CCDC63: variants seen among roughly 807,000 people sequenced by gnomAD.
CCDC63 encodes coiled-coil domain containing 63.
A neutral mutation model predicts 63.6 loss-of-function variants in CCDC63; 54 were observed. That is an observed-to-expected ratio of 0.85 (90% CI 0.68 to 1.07). The LOEUF is 1.07. Among genes scored for constraint, CCDC63 ranks in the 50% least tolerant of loss-of-function variants. CCDC63 has a pLI of 0.00. For synonymous variants in CCDC63, 253 were observed against 266.1 expected, an observed-to-expected ratio of 0.95 and a Z score of 0.48; for missense variants, 637 against 689.6, an observed-to-expected ratio of 0.92 and a Z score of 0.86.
chr12:110,886,367 T>C (rs1426133992), intron 8 of CCDC63, among the ~76,000 whole-genome samples: 1 of 151,214 alleles, frequency 6.6e-6, no homozygotes, highest in Non-Finnish European at 1.5e-5. Context: ...GCCTGGGTGA[T>C]ACAGGGAGAC....
At chr12:110,859,329 A>AAC (rs145004780) in intron 4 of CCDC63, among the ~76,000 whole-genome samples, 8,404 of 151,376 alleles carry the variant, frequency 0.056, 472 homozygotes, top group African/African-American at 0.15. Flanking sequence ...TTTTTTTTGA[A>AAC]AGAGTCTTGC....
intron 8 of CCDC63, among the ~76,000 whole-genome samples, chr12:110,891,561 C>T (rs753766922): frequency 2.8e-5 from 4 of 145,028 alleles, no homozygotes; most frequent in Non-Finnish European, 6.0e-5. Flanking sequence ...ATGGGAGGAT[C>T]GCAGTCAAGG....
chr12:110,893,087 C>A lies in CCDC63; in HGVS notation c.1086C>A (p.Ile362=). 1 of 1,614,068 alleles carries A rather than the reference C, an allele frequency of 6.2e-7. No homozygotes were observed. Among genetic ancestry groups the A allele is most frequent in the South Asian group, 1.1e-5 (1 of 91,066 alleles). Residue 362 remains isoleucine (I), a synonymous_variant, in exon 9 of 12, where the codon ATC becomes ATA. Coordinates refer to ENST00000308208, the MANE Select transcript of CCDC63 (RefSeq NM_152591.3). The part of the protein sequence containing the change: ...KRTQRIQDEI[I]LLRSQQKLSH... ...TCTCTCCCGAGCAGGACGAGATCATCCTCTTGCGATCCCAGCAGAAATTGT... is the reference window on the plus strand; with the variant it reads ...TCTCTCCCGAGCAGGACGAGATCATACTCTTGCGATCCCAGCAGAAATTGT...
Position 110,881,316 on chromosome 12 carries a change from G to A in CCDC63, c.853+20G>A, listed in dbSNP as rs750580374. ...AGGAAGGTACACCCTCCAGGAGCAA[G>A]CTTGTGCTCTCTCACTCTCTTTCTT... is the stretch of plus-strand genomic sequence containing the variant. On this transcript the variant is annotated intron_variant, in intron 7 of 11. Transcript: ENST00000308208. 6.2e-7 allele frequency: 1 copy of A among 1,605,700 alleles called. No individual in the cohort carries two copies. The highest frequency in any genetic ancestry group is 8.5e-7 in the Non-Finnish European group (1 of 1,176,670).
upstream of CCDC63, chr12:110,846,068 C>G (rs2070634217): frequency 6.6e-6 from 1 of 151,772 alleles, no homozygotes. Context: ...TCCCAAAGTG[C>G]TAGGATTATA....
rs149227019 is a variant in CCDC63, at chr12:110,853,479, G to A, written c.84G>A (p.Glu28=). The A allele has an allele frequency of 1.2e-6, 2 of 1,614,092 alleles. No individual in the cohort carries two copies. The highest frequency in any genetic ancestry group is 1.3e-5 in the African/African-American group (1 of 74,936). ...AGAAGGCCAAAGAGCAGCAGGCGGA[G>A]GCAGAGCTCCGGAAGCTAAGGCAGC... ...PSEKAKEQQA[E]AELRKLRQQF... The change falls in exon 3 of 12, where the codon GAG becomes GAA. Residue 28 remains glutamate, a synonymous_variant. Coordinates refer to ENST00000308208, the MANE Select transcript of CCDC63 (RefSeq NM_152591.3).
intron 4 of CCDC63, among the ~76,000 whole-genome samples, chr12:110,860,809 G>A (rs1419217138): frequency 6.6e-6 from 1 of 152,098 alleles, no homozygotes; most frequent in Admixed American, 6.5e-5. Context: ...GGCTGGTCTC[G>A]AACTCCTGAC....
chr12:110,859,453 T>G (rs1032100291), intron 4 of CCDC63, among the ~76,000 whole-genome samples: 2 of 151,982 alleles, frequency 1.3e-5, no homozygotes, highest in Non-Finnish European at 2.9e-5. Flanking sequence ...ATTACAGGCG[T>G]GCACCACCAT....
chr12:110,868,637 T>C (rs1367177166), intron 4 of CCDC63, among the ~76,000 whole-genome samples: 1 of 150,240 alleles, frequency 6.7e-6, no homozygotes, highest in Non-Finnish European at 1.5e-5. Context: ...AGGAGAATCA[T>C]GCAGGGAGGT....
intron 10 of CCDC63, 35 bp from the exon 11 acceptor site, chr12:110,904,553 C>T (rs200321431): frequency 3.0e-5 from 48 of 1,602,210 alleles, no homozygotes; most frequent in Admixed American, 8.3e-5. Flanking sequence ...CCAGGTCTCT[C>T]GGCAGCCATC....
intron 4 of CCDC63, among the ~76,000 whole-genome samples, chr12:110,862,518 T>C (rs1341686789): frequency 1.3e-5 from 2 of 152,164 alleles, no homozygotes; most frequent in Non-Finnish European, 2.9e-5. Context: ...ACTCCCAGCA[T>C]CACAAAAGCA....
At chr12:110,887,373 G>C (rs1290531883) in intron 8 of CCDC63, among the ~76,000 whole-genome samples, 1 of 151,898 alleles carries the variant, frequency 6.6e-6, no homozygotes, top group Non-Finnish European at 1.5e-5. Context: ...TGATCCGCCT[G>C]CCTCGGCCTC....
At chr12:110,850,003 G>T (rs1457558189) in intron 1 of CCDC63, among the ~76,000 whole-genome samples, 3 of 152,194 alleles carry the variant, frequency 2.0e-5, no homozygotes, top group Admixed American at 6.5e-5. Context: ...TAGGCAGAAA[G>T]AAGTTAGGGT....
At chr12:110,862,959 T>C (rs1434656050) in intron 4 of CCDC63, among the ~76,000 whole-genome samples, 2 of 152,156 alleles carry the variant, frequency 1.3e-5, no homozygotes, top group African/African-American at 2.4e-5. Context: ...TTTCACCATG[T>C]TGGCCAGGCT....
At position 110,873,830 on chromosome 12, in the gene CCDC63, T is replaced by G. The variant is rs377191727; in HGVS notation, c.370-12T>G. ...AACACAGCTGGAATTTCTCTCTCTC[T>G]CTCTTTTTCAGATTCTTCAGATGGA... On this transcript the variant is annotated splice_polypyrimidine_tract_variant and intron_variant, in intron 4 of 11. Transcript: ENST00000308208. 6.2e-7 allele frequency: 1 copy of G among 1,611,746 alleles called. No individual in the cohort carries two copies. Among genetic ancestry groups the G allele is most frequent in the Non-Finnish European group, 8.5e-7 (1 of 1,179,442 alleles).
At chr12:110,892,738 C>G (rs1288298588) in intron 8 of CCDC63, among the ~76,000 whole-genome samples, 1 of 151,912 alleles carries the variant, frequency 6.6e-6, no homozygotes, top group African/African-American at 2.4e-5. Context: ...ATCGCTTGAA[C>G]CTGGGAGATC....
intron 8 of CCDC63, among the ~76,000 whole-genome samples, chr12:110,887,159 G>A (rs1236548681): frequency 1.3e-5 from 2 of 150,826 alleles, no homozygotes; most frequent in African/African-American, 2.4e-5. Context: ...ACAGAGTCTT[G>A]CTCTGTCACC....
chr12:110,876,069 G>A (rs1267529774), intron 5 of CCDC63, among the ~76,000 whole-genome samples: 1 of 146,636 alleles, frequency 6.8e-6, no homozygotes, highest in Admixed American at 7.0e-5. Context: ...TTGTGCCACT[G>A]TACTCCAGTC....
chr12:110,858,103 C>T (rs759494415), intron 3 of CCDC63, among the ~76,000 whole-genome samples: 50 of 128,622 alleles, frequency 3.9e-4, no homozygotes, highest in Non-Finnish European at 1.6e-4. Flanking sequence ...GAGACTCTGT[C>T]TCAAAATATA....
Sources: gnomAD v4.1 joint callset for allele counts (sites outside exome capture counted in the v4.1 genomes callset) on GRCh38, gnomAD v4.1.1 for gene constraint, MANE v1.5 for transcripts, NCBI Gene and HGNC (gene_info 2026-07-23, HGNC 2026-07-21) for gene names.